LAP3: variants seen among roughly 807,000 people sequenced by gnomAD.
LAP3 encodes cytosol aminopeptidase.
In LAP3, 46 loss-of-function variants were observed where a neutral mutation model predicts 58.8. The observed-to-expected ratio is 0.78, with a 90% confidence interval of 0.62 to 1.00. The LOEUF (loss-of-function observed/expected upper bound fraction) is 1.00. Ranked by LOEUF, LAP3 falls within the 50% of genes least tolerant of loss-of-function variation. The probability of loss-of-function intolerance (pLI) is 0.00; values close to 1 mark genes in which losing one functional copy is unlikely to be tolerated. For missense variants in LAP3, 615 were observed against 659.1 expected, an observed-to-expected ratio of 0.93 and a Z score of 0.73; for synonymous variants, 257 against 237.7, an observed-to-expected ratio of 1.08 and a Z score of -0.75.
chr4:17,595,599 A>T (rs1713809956), intron 8 of LAP3, 65 bp downstream of exon 8: 2 of 1,525,320 alleles, frequency 1.3e-6, no homozygotes, highest in Non-Finnish European at 1.8e-6. Context: ...GAGAAGAGAG[A>T]CAACAGATAT....
intron 11 of LAP3, 25 bp from the exon 12 acceptor site, chr4:17,606,804 T>A: frequency 6.5e-7 from 1 of 1,535,848 alleles, no homozygotes; most frequent in Non-Finnish European, 8.9e-7. Context: ...CATCCACTCT[T>A]CCACCTGTCA....
intron 1 of LAP3, among the ~76,000 whole-genome samples, chr4:17,578,272 T>G (rs2109016634): frequency 6.6e-6 from 1 of 152,256 alleles, no homozygotes; most frequent in South Asian, 2.1e-4. Context: ...CTCCTGCAGG[T>G]ATCTCAGTGG....
chr4:17,591,866 C>T (rs1051576308), intron 7 of LAP3, among the ~76,000 whole-genome samples: 6 of 152,038 alleles, frequency 3.9e-5, no homozygotes, highest in Admixed American at 6.6e-5. Flanking sequence ...AACAGTTGGC[C>T]GTAACTGAAG....
Position 17,607,484 on chromosome 4 carries a change from G to A in LAP3, c.1455G>A (p.Val485=), listed in dbSNP as rs182447248. ...PKWAHLDIAG[V]MTNKDEVPYL... ...GGGCACATTTAGACATAGCAGGCGT[G>A]ATGACCAACAAAGATGAAGTTCCCT... The change falls in exon 13 of 13, where the codon GTG becomes GTA. Residue 485 remains valine, a synonymous_variant. Coordinates refer to ENST00000226299, the MANE Select transcript of LAP3 (RefSeq NM_015907.3). 1.5e-4 allele frequency: 240 copies of A among 1,614,126 alleles called. No individual in the cohort carries two copies. In the Middle Eastern group the frequency reaches 3.1e-3, roughly 21 times the overall value.
intron 10 of LAP3, among the ~76,000 whole-genome samples, chr4:17,599,523 A>C (rs1182853337): frequency 2.0e-5 from 3 of 152,114 alleles, no homozygotes; most frequent in Admixed American, 1.3e-4. Flanking sequence ...TGACAGAGCG[A>C]GACTCCCTCT....
At chr4:17,578,860 C>T (rs1303847876) in intron 1 of LAP3, among the ~76,000 whole-genome samples, 1 of 152,088 alleles carries the variant, frequency 6.6e-6, no homozygotes, top group Non-Finnish European at 1.5e-5. Context: ...CCTTACGTGG[C>T]AACAGTCCTT....
rs114794084 is a variant in LAP3, at chr4:17,584,850, A to G, written c.540-122A>G. The G allele has an allele frequency of 3.1e-4, 288 of 928,288 alleles. No individual in the cohort carries two copies. The African/African-American group carries it at 4.3e-3, about 14-fold the overall frequency. 57.5% of individuals were successfully genotyped at this position (928,288 alleles called of 1,614,324 possible). ...AAAATGAATCCAGGTCCTGTGTGCCAATTGTTTTTGATTTGTAGTCTTCCT... is the reference window on the plus strand; with the variant it reads ...AAAATGAATCCAGGTCCTGTGTGCCGATTGTTTTTGATTTGTAGTCTTCCT... On this transcript the variant is annotated intron_variant, in intron 5 of 12. Transcript: ENST00000226299.
intron 11 of LAP3, 46 bp downstream of exon 11, chr4:17,604,713 A>G: frequency 7.3e-7 from 1 of 1,373,970 alleles, no homozygotes; most frequent in Non-Finnish European, 1.0e-6. Flanking sequence ...TGGTGAATAA[A>G]TTATTCTAGC....
chr4:17,596,566 T>C (rs1487510686), intron 8 of LAP3, among the ~76,000 whole-genome samples: 3 of 152,144 alleles, frequency 2.0e-5, no homozygotes, highest in Non-Finnish European at 4.4e-5. Context: ...CTTGAACTCC[T>C]GACCTCAGGT....
intron 7 of LAP3, among the ~76,000 whole-genome samples, chr4:17,590,147 T>C (rs952757114): frequency 6.6e-6 from 1 of 152,202 alleles, no homozygotes; most frequent in African/African-American, 2.4e-5. Flanking sequence ...TTTTGTTTTA[T>C]TTGCTTAACT....
chr4:17,599,874 G>C (rs1713943527), intron 10 of LAP3, among the ~76,000 whole-genome samples: 1 of 152,198 alleles, frequency 6.6e-6, no homozygotes, highest in Non-Finnish European at 1.5e-5. Context: ...TAGTCAGTTA[G>C]CCGTGGGCAA....
chr4:17,577,825 G>A (rs1041139494), intron 1 of LAP3, among the ~76,000 whole-genome samples: 4 of 152,356 alleles, frequency 2.6e-5, no homozygotes, highest in Admixed American at 2.6e-4. Context: ...CCACTCGGCC[G>A]CGCACTTGCT....
rs973510001 is a variant in LAP3, at chr4:17,597,469, A to G, written c.1077+335A>G. Among the ~76,000 whole-genome samples, 40 of 152,100 alleles carry G rather than the reference A, an allele frequency of 2.6e-4. 1 individual carries two copies. The highest frequency in any genetic ancestry group is 2.6e-3 in the Admixed American group (39 of 15,246). ...CTTTTTGTAGACACAGGGTTTTGCC[A>G]TGTTTCCCAGGCTGGTCCCAAACTC... On this transcript the variant is annotated intron_variant, in intron 9 of 12. Coordinates refer to ENST00000226299, the MANE Select transcript of LAP3 (RefSeq NM_015907.3).
intron 1 of LAP3, among the ~76,000 whole-genome samples, chr4:17,579,421 C>T (rs1312175860): frequency 2.0e-5 from 3 of 152,170 alleles, no homozygotes; most frequent in South Asian, 2.1e-4. Context: ...GTTTCTCAAG[C>T]GCCTTTGGCT....
intron 6 of LAP3, among the ~76,000 whole-genome samples, chr4:17,586,990 C>T (rs1017295269): frequency 6.6e-6 from 1 of 152,140 alleles, no homozygotes; most frequent in African/African-American, 2.4e-5. Context: ...CCTGTGATCC[C>T]AGCTACTCGG....
At chr4:17,585,350 A>C in intron 6 of LAP3, 1 of 432,982 alleles carries the variant, frequency 2.3e-6, no homozygotes, top group Non-Finnish European at 4.2e-6. Flanking sequence ...ATGATATACT[A>C]TGTATGTGTA....
intron 7 of LAP3, 152 bp downstream of exon 7, chr4:17,589,129 C>G (rs1019044794): frequency 1.4e-6 from 1 of 733,186 alleles, no homozygotes; most frequent in African/African-American, 1.8e-5. Flanking sequence ...GGCGTGATCT[C>G]GGCTCACTGC....
rs1341157793 is a variant in LAP3, at chr4:17,607,456, AGTG to A, written c.1429_1431del (p.Trp477del). The A allele has an allele frequency of 1.2e-6, 2 of 1,614,080 alleles. No homozygotes were observed. Among genetic ancestry groups the A allele is most frequent in the Admixed American group, 3.3e-5 (2 of 59,930 alleles). Reference sequence around the variant, plus strand: ...CTGAAAGAATTCGTAACTCATCCTAAGTGGGCACATTTAGACATAGCAGGCGTG... The same window carrying A: ...CTGAAAGAATTCGTAACTCATCCTAAGGCACATTTAGACATAGCAGGCGTG... On this transcript the variant is annotated inframe_deletion, in exon 13 of 13. Coordinates refer to ENST00000226299, the MANE Select transcript of LAP3 (RefSeq NM_015907.3).
chr4:17,598,450 C>A lies in LAP3; in HGVS notation c.1078-6C>A. The A allele has an allele frequency of 6.2e-7, 1 of 1,606,306 alleles. No individual in the cohort carries two copies. Among genetic ancestry groups the A allele is most frequent in the Non-Finnish European group, 8.5e-7 (1 of 1,172,928 alleles). On this transcript the variant is annotated splice_polypyrimidine_tract_variant and splice_region_variant and intron_variant, in intron 9 of 12. Coordinates refer to ENST00000226299, the MANE Select transcript of LAP3 (RefSeq NM_015907.3). Reference sequence around the variant, plus strand: ...TGTCACCCTTTCTGTTTTTGACCCTCTGCAGGTTGATAACACTGATGCTGA... The same window carrying A: ...TGTCACCCTTTCTGTTTTTGACCCTATGCAGGTTGATAACACTGATGCTGA...
Sources: gnomAD v4.1 joint callset for allele counts (sites outside exome capture counted in the v4.1 genomes callset) on GRCh38, gnomAD v4.1.1 for gene constraint, MANE v1.5 for transcripts, NCBI Gene and HGNC (gene_info 2026-07-23, HGNC 2026-07-21) for gene names.